CD163L1: variants seen among roughly 807,000 people sequenced by gnomAD.
CD163L1 encodes the protein CD163 molecule like 1.
A neutral mutation model predicts 165.4 loss-of-function variants in CD163L1; 124 were observed. The ratio of observed to expected loss-of-function variants is 0.75; its 90% CI spans 0.65 to 0.87. CD163L1 has a LOEUF of 0.87. CD163L1 is among the 40% of genes least tolerant of loss of function. The pLI is 0.00. For missense variants in CD163L1, 1,525 were observed against 1,799.9 expected, an observed-to-expected ratio of 0.85 and a Z score of 2.76; for synonymous variants, 585 against 662.2, an observed-to-expected ratio of 0.88 and a Z score of 1.79.
chr12:7,322,366 T>C, the CD163L1 span: 1 of 1,610,642 alleles, frequency 6.2e-7, no homozygotes. Context: ...TGTCTTGCAG[T>C]GAAAGCACTC....
the CD163L1 span, chr12:7,327,182 A>G: frequency 7.1e-7 from 1 of 1,413,428 alleles, no homozygotes; most frequent in Non-Finnish European, 9.4e-7. Context: ...TTGATTTTAT[A>G]GTAGCTCATT....
intron 4 of CD163L1, among the ~76,000 whole-genome samples, chr12:7,415,449 T>C (rs1460298655): frequency 3.3e-5 from 5 of 152,204 alleles, no homozygotes; most frequent in Non-Finnish European, 5.9e-5. Context: ...TATTATACTT[T>C]AAGTTCTGGG....
Position 7,406,774 on chromosome 12 carries a change from C to G in CD163L1, c.845G>C (p.Arg282Thr). 1 of 1,613,984 alleles carries G rather than the reference C, an allele frequency of 6.2e-7. No individual in the cohort carries two copies. Among genetic ancestry groups the G allele is most frequent in the Non-Finnish European group, 8.5e-7 (1 of 1,179,944 alleles). ...MGRVELKIQG[R>T]WGTVCHHKWN... ...CTTATGGTGGCATACGGTCCCCCAC[C>G]TTCCTTGGATTTTCAGCTCTACTCT... Residue 282 changes from arginine (R) to threonine (T), a missense_variant, in exon 5 of 20, where the codon AGG becomes ACG. Coordinates refer to ENST00000313599, the MANE Select transcript of CD163L1 (RefSeq NM_174941.6).
chr12:7,403,424 G>GTT (rs888701903), intron 6 of CD163L1, 111 bp downstream of exon 6: 19 of 999,770 alleles, frequency 1.9e-5, no homozygotes, highest in Admixed American at 3.0e-5. Flanking sequence ...AGTATTTTGG[G>GTT]TTTTTTTTTA....
chr12:7,375,143 T>C (rs1246909034), intron 11 of CD163L1, 138 bp downstream of exon 11: 118 of 886,588 alleles, frequency 1.3e-4, no homozygotes, highest in Non-Finnish European at 5.2e-6. Flanking sequence ...ATTTCTTACA[T>C]GTTACTCTTT....
At chr12:7,390,863 T>A (rs991459492) in intron 8 of CD163L1, among the ~76,000 whole-genome samples, 1 of 152,192 alleles carries the variant, frequency 6.6e-6, no homozygotes, top group African/African-American at 2.4e-5. Context: ...TGGTTGTATA[T>A]CAAATTTTTC....
chr12:7,322,991 C>T, the CD163L1 span, among the ~76,000 whole-genome samples: 1 of 152,118 alleles, frequency 6.6e-6, no homozygotes, highest in Admixed American at 6.5e-5. Context: ...CATTCCACAC[C>T]TAATGAATCA....
rs1447957056 is a variant in CD163L1, at chr12:7,374,152, T to C, written c.3409+290A>G. ...AAGGCAGATTGGACACGGTTGACAG[T>C]GTGTTCTCAGAGCCAGAGTGGATGT... is the stretch of plus-strand genomic sequence containing the variant. On this transcript the variant is annotated intron_variant, in intron 13 of 19. Coordinates refer to ENST00000313599, the MANE Select transcript of CD163L1 (RefSeq NM_174941.6). The surrounding 1 kb of genome is among the most constrained non-coding windows in gnomAD (Gnocchi z 5.4). Among the ~76,000 whole-genome samples, 1 of 152,206 alleles carries C rather than the reference T, an allele frequency of 6.6e-6. No homozygotes were observed. Among genetic ancestry groups the C allele is most frequent in the Non-Finnish European group, 1.5e-5 (1 of 68,020 alleles).
rs1467504139 is a variant in CD163L1, at chr12:7,374,108, C to T, written c.3409+334G>A. 6.6e-6 allele frequency among the ~76,000 whole-genome samples: 1 copy of T among 152,058 alleles called. No homozygotes were observed. The highest frequency in any genetic ancestry group is 1.9e-4 in the East Asian group (1 of 5,180). On this transcript the variant is annotated intron_variant, in intron 13 of 19. Transcript: ENST00000313599. This position sits in a 1 kb window ranked among gnomAD's most constrained non-coding sequence, Gnocchi z 5.4. ...AGGCTACTAAAAGCCTAAAATAAAA[C>T]AAAACAAAACAACAAAATAAGGCAG...
chr12:7,327,066 T>C, the CD163L1 span: 6 of 1,609,884 alleles, frequency 3.7e-6, no homozygotes, highest in African/African-American at 1.3e-5. Context: ...TGTGAAAAAA[T>C]CAACTGCACC....
At chr12:7,421,004 T>G (rs1948339488) in intron 4 of CD163L1, among the ~76,000 whole-genome samples, 1 of 120,686 alleles carries the variant, frequency 8.3e-6, no homozygotes, top group Non-Finnish European at 1.7e-5. Context: ...TACATATATA[T>G]ATATACGTGT....
chr12:7,375,730 G>A lies in CD163L1; in HGVS notation c.2656C>T (p.His886Tyr), dbSNP rs764514895. The change falls in exon 10 of 20, where the codon CAC becomes TAC. Residue 886 changes from histidine (H) to tyrosine (Y), a missense_variant. Transcript: ENST00000313599. Reference protein sequence around the residue: ...IVQHPEDTCIHSREVGVVCSR... With the variant: ...IVQHPEDTCIYSREVGVVCSR... ...CAGACAACTCCAACTTCTCTGCTGTGGATACAAGTGTCTTCCGGATGTTGA... is the reference window on the plus strand; with the variant it reads ...CAGACAACTCCAACTTCTCTGCTGTAGATACAAGTGTCTTCCGGATGTTGA... The A allele has an allele frequency of 1.2e-6, 2 of 1,614,074 alleles. No homozygotes were observed. Among genetic ancestry groups the A allele is most frequent in the Non-Finnish European group, 1.7e-6 (2 of 1,180,050 alleles).
In CD163L1 at chr12:7,372,786, C is replaced by T. The variant is rs757648095; in HGVS notation, c.3730+534G>A. On this transcript the variant is annotated intron_variant, in intron 14 of 19. Transcript: ENST00000313599. The surrounding 1 kb of genome is among the most constrained non-coding windows in gnomAD (Gnocchi z 4.2). The stretch of plus-strand genomic sequence containing the variant: ...GGTTATTTTTGATAATCAGATTAAA[C>T]GTGGAATGCATTTTATTATTTATAA... 1.2e-4 allele frequency among the ~76,000 whole-genome samples: 18 copies of T among 151,864 alleles called. No homozygotes were observed. Among genetic ancestry groups the T allele is most frequent in the Non-Finnish European group, 2.2e-4 (15 of 67,866 alleles).
At chr12:7,397,232 G>A (rs1947796174) in intron 7 of CD163L1, among the ~76,000 whole-genome samples, 1 of 152,192 alleles carries the variant, frequency 6.6e-6, no homozygotes, top group Non-Finnish European at 1.5e-5. Context: ...AGCATAATTA[G>A]ATTGGCTGGC....
Position 7,439,228 on chromosome 12 carries a change from TTTTC to T in CD163L1, c.124+1922_124+1925del, listed in dbSNP as rs1247628388. 5 of 1,578,742 alleles carry T rather than the reference TTTTC, an allele frequency of 3.2e-6. No individual in the cohort carries two copies. The African/African-American group carries it at 4.1e-5, about 13-fold the overall frequency. On this transcript the variant is annotated intron_variant, in intron 2 of 19. Transcript: ENST00000313599. ...CAGATTCCACCTGGGATTCGACAAA[TTTTC>T]TTTTTTTGTTTTTCTATTTTCTTTG...
rs771224896 is a variant in CD163L1, at chr12:7,409,612, C to T, written c.767-2760G>A. Among the ~76,000 whole-genome samples, 11 of 152,182 alleles carry T rather than the reference C, an allele frequency of 7.2e-5. No individual in the cohort carries two copies. In the East Asian group the frequency reaches 9.6e-4, roughly 13 times the overall value. ...TAATGCTCTCTTGCCCGCCTCTCAC[C>T]GCCCACTGCGTGGCCCAATTCCTAA... On this transcript the variant is annotated intron_variant, in intron 4 of 19. Coordinates refer to ENST00000313599, the MANE Select transcript of CD163L1 (RefSeq NM_174941.6).
chr12:7,369,019 T>A lies in CD163L1; in HGVS notation c.4040-54A>T, dbSNP rs763563642. The A allele has an allele frequency of 3.8e-6, 6 of 1,572,242 alleles. No individual in the cohort carries two copies. The Admixed American group carries it at 6.7e-5, about 18-fold the overall frequency. ...TAAATGAACGAAAAGGAACTGGGTATTTCTTTTTACATCTCCTGCGATTAT... is the reference window on the plus strand; with the variant it reads ...TAAATGAACGAAAAGGAACTGGGTAATTCTTTTTACATCTCCTGCGATTAT... On this transcript the variant is annotated intron_variant, in intron 15 of 19. Transcript: ENST00000313599. The surrounding 1 kb of genome is among the most constrained non-coding windows in gnomAD (Gnocchi z 4.9).
chr12:7,335,021 G>A, the CD163L1 span, among the ~76,000 whole-genome samples: 3 of 152,152 alleles, frequency 2.0e-5, no homozygotes, highest in Middle Eastern at 3.2e-3. Context: ...AACATTCCAT[G>A]CTCATGGGTA....
At chr12:7,441,114 A>AG in intron 2 of CD163L1, 40 bp downstream of exon 2, 7 of 1,385,478 alleles carry the variant, frequency 5.1e-6, no homozygotes, top group Non-Finnish European at 7.2e-6. Context: ...GGTAGAATAG[A>AG]GGATTGTAAG....
Sources: allele counts gnomAD v4.1 joint callset (sites outside exome capture counted in the v4.1 genomes callset), GRCh38; gene constraint gnomAD v4.1.1; non-coding constraint Gnocchi (gnomAD v3.1); transcripts MANE v1.5; gene names NCBI Gene and HGNC (gene_info 2026-07-23, HGNC 2026-07-21).